LNPEP: variants seen among roughly 807,000 people sequenced by gnomAD.
LNPEP encodes leucyl and cystinyl aminopeptidase.
Under a neutral mutation model 120.6 loss-of-function variants are expected in LNPEP, and 64 were observed. The ratio of observed to expected loss-of-function variants is 0.53; its 90% CI spans 0.43 to 0.65. The LOEUF (loss-of-function observed/expected upper bound fraction) is 0.65. Ranked by LOEUF, LNPEP falls within the 30% of genes least tolerant of loss-of-function variation. LNPEP has a pLI of 0.00. For synonymous variants in LNPEP, 435 were observed against 425.4 expected, an observed-to-expected ratio of 1.02 and a Z score of -0.28; for missense variants, 1,057 against 1,200.0, an observed-to-expected ratio of 0.88 and a Z score of 1.76.
At chr5:96,974,732 C>T (rs1274220339) in intron 1 of LNPEP, among the ~76,000 whole-genome samples, 3 of 152,080 alleles carry the variant, frequency 2.0e-5, no homozygotes, top group African/African-American at 7.2e-5. Context: ...CTATTAAAGT[C>T]ACTGGTTCCC....
At chr5:96,943,155 G>T in intron 1 of LNPEP, 1 of 519,892 alleles carries the variant, frequency 1.9e-6, no homozygotes, top group South Asian at 5.2e-5. Context: ...ATTGAGCCAG[G>T]AGTTGAGGTT....
intron 13 of LNPEP, among the ~76,000 whole-genome samples, chr5:97,020,101 A>C (rs756020227): frequency 6.6e-6 from 1 of 152,330 alleles, no homozygotes; most frequent in Middle Eastern, 3.4e-3. Context: ...ACAAACCTTG[A>C]GTTCTTTTCC....
chr5:96,989,297 T>C (rs1458059167), intron 4 of LNPEP, among the ~76,000 whole-genome samples: 7 of 86,418 alleles, frequency 8.1e-5, no homozygotes, highest in African/African-American at 3.1e-4. Flanking sequence ...ATAATTTATA[T>C]ATAATATATT....
Position 97,002,120 on chromosome 5 carries a change from C to G in LNPEP, c.1654-1295C>G, listed in dbSNP as rs143412555. 7.6e-4 allele frequency among the ~76,000 whole-genome samples: 116 copies of G among 152,044 alleles called. 1 individual carries two copies. Among genetic ancestry groups the G allele is most frequent in the African/African-American group, 2.7e-3 (112 of 41,480 alleles). On this transcript the variant is annotated intron_variant, in intron 8 of 17. Transcript: ENST00000231368. ...CACCACTGCACTCCAGCCTGGGTGA[C>G]AAGAGTGAGACTTCATCTCAAAATA...
At chr5:96,982,626 ATCT>A (rs1790152898) in intron 2 of LNPEP, among the ~76,000 whole-genome samples, 1 of 152,184 alleles carries the variant, frequency 6.6e-6, no homozygotes, top group Non-Finnish European at 1.5e-5. Context: ...CTCTTCCAAA[ATCT>A]TCTGTTAACT....
chr5:96,997,923 C>A, intron 7 of LNPEP, 91 bp from the exon 8 acceptor site: 1 of 874,586 alleles, frequency 1.1e-6, no homozygotes, highest in Non-Finnish European at 1.7e-6. Flanking sequence ...AATGATATTT[C>A]ACACTAATTA....
chr5:96,963,745 G>T (rs535487287), intron 1 of LNPEP, among the ~76,000 whole-genome samples: 42 of 152,140 alleles, frequency 2.8e-4, no homozygotes, highest in Middle Eastern at 6.8e-3. Flanking sequence ...AAAAAAGAAT[G>T]TTTTGTTTAT....
At chr5:97,027,897 G>A (rs1481915190) in intron 17 of LNPEP, 83 bp downstream of exon 17, 5 of 792,682 alleles carry the variant, frequency 6.3e-6, no homozygotes, top group African/African-American at 1.7e-5. Context: ...GTGAGATGGT[G>A]GATTTTCATG....
Position 96,985,045 on chromosome 5 carries a change from C to T in LNPEP, c.861-35C>T, listed in dbSNP as rs200858982. ...CAGGGTGCCTTGTACAGTAGGTGCT[C>T]AGTAACTACTGGATTGAATTTGTGT... On this transcript the variant is annotated intron_variant, in intron 2 of 17. Transcript: ENST00000231368. 2.4e-4 allele frequency: 380 copies of T among 1,610,598 alleles called. 4 individuals carry two copies. The African/African-American group carries it at 4.8e-3, about 21-fold the overall frequency.
intron 5 of LNPEP, 41 bp from the exon 6 acceptor site, chr5:96,993,776 A>C: frequency 6.3e-7 from 1 of 1,593,866 alleles, no homozygotes; most frequent in East Asian, 2.2e-5. Context: ...AAAATGCCTA[A>C]GATGAGGGAA....
chr5:96,999,749 T>G (rs912462316), intron 8 of LNPEP, among the ~76,000 whole-genome samples: 4 of 152,020 alleles, frequency 2.6e-5, no homozygotes, highest in African/African-American at 9.7e-5. Flanking sequence ...AGTTTCCATA[T>G]CATTGTCAAC....
chr5:97,005,213 A>G (rs907426587), intron 9 of LNPEP, among the ~76,000 whole-genome samples: 2 of 152,232 alleles, frequency 1.3e-5, no homozygotes, highest in East Asian at 3.8e-4. Context: ...GGCCTGCCAT[A>G]GTAGAGTGAT....
chr5:97,024,748 A>G, intron 15 of LNPEP, 66 bp downstream of exon 15: 2 of 1,448,894 alleles, frequency 1.4e-6, no homozygotes, highest in Non-Finnish European at 1.9e-6. Context: ...GCTCTTGGTC[A>G]GGAGCTCATT....
intron 2 of LNPEP, among the ~76,000 whole-genome samples, chr5:96,982,692 T>C (rs1444367580): frequency 2.0e-5 from 3 of 152,240 alleles, no homozygotes; most frequent in Non-Finnish European, 4.4e-5. Context: ...AAACATAATA[T>C]GTGTAAATTG....
Position 97,006,059 on chromosome 5 carries a change from T to A in LNPEP, c.1786-14T>A. 1 of 1,052,838 alleles carries A rather than the reference T, an allele frequency of 9.5e-7. No individual in the cohort carries two copies. The highest frequency in any genetic ancestry group is 1.3e-6 in the Non-Finnish European group (1 of 787,100). 65.2% of individuals were successfully genotyped at this position (1,052,838 alleles called of 1,614,324 possible). A position where few individuals can be genotyped will look rare whatever the true frequency, so the allele number is the denominator to read the frequency against. On this transcript the variant is annotated splice_polypyrimidine_tract_variant and intron_variant, in intron 9 of 17. Coordinates refer to ENST00000231368, the MANE Select transcript of LNPEP (RefSeq NM_005575.3). The stretch of plus-strand genomic sequence containing the variant: ...AAGGAAAAAGTTTTATATATATATA[T>A]ATATATTTTGTAGGTCACAAACCAA...
chr5:96,947,410 T>C (rs1789211595), intron 1 of LNPEP, among the ~76,000 whole-genome samples: 1 of 152,172 alleles, frequency 6.6e-6, no homozygotes, highest in Non-Finnish European at 1.5e-5. Flanking sequence ...TTATTGGCTG[T>C]CTTTTAAGTG....
At chr5:96,990,496 A>G (rs1382681566) in intron 4 of LNPEP, among the ~76,000 whole-genome samples, 2 of 152,230 alleles carry the variant, frequency 1.3e-5, no homozygotes, top group Non-Finnish European at 2.9e-5. Flanking sequence ...TTCTGTTCAC[A>G]CATATTTTGC....
At chr5:96,986,503 A>G (rs1379834731) in intron 3 of LNPEP, 36 bp from the exon 4 acceptor site, 9 of 1,588,054 alleles carry the variant, frequency 5.7e-6, no homozygotes, top group Admixed American at 1.8e-5. Flanking sequence ...ATTTATTCCT[A>G]TAGTTACAGA....
At position 97,008,349 on chromosome 5, in the gene LNPEP, T is replaced by G. The variant is rs1436760238; in HGVS notation, c.2035+1834T>G. On this transcript the variant is annotated intron_variant, in intron 11 of 17. Transcript: ENST00000231368. ...TTTGTTTTTTCTTGTTTTTTTTTTT[T>G]TTTTTTTTTTTTTTTTTTTGAGTTG... 1.6e-4 allele frequency among the ~76,000 whole-genome samples: 19 copies of G among 117,416 alleles called. No individual in the cohort carries two copies. In the South Asian group the frequency reaches 3.8e-3, roughly 23 times the overall value. The allele number at this position is 117,416 out of a possible 152,430, so 77.0% of individuals were successfully genotyped here. A position where few individuals can be genotyped will look rare whatever the true frequency, so the allele number is the denominator to read the frequency against.
Sources: allele counts gnomAD v4.1 joint callset (sites outside exome capture counted in the v4.1 genomes callset), GRCh38; gene constraint gnomAD v4.1.1; transcripts MANE v1.5; gene names NCBI Gene and HGNC (gene_info 2026-07-23, HGNC 2026-07-21).